The following FRMPD4 variants were observed in gnomAD, a reference collection of about 807,000 sequenced individuals.
FRMPD4 encodes FERM and PDZ domain containing 4, also known as FERM and PDZ domain-containing protein 4.
FRMPD4 carries 22 observed loss-of-function variants against 94.1 expected under a neutral mutation model. That is an observed-to-expected ratio of 0.23 (90% CI 0.17 to 0.33). FRMPD4 has a LOEUF of 0.33. FRMPD4 is among the 10% of genes least tolerant of loss of function. The pLI, the probability that FRMPD4 is intolerant of heterozygous loss-of-function variation, is 1.00. For missense variants in FRMPD4, 1,111 were observed against 1,339.9 expected (o/e 0.83, Z 2.67); for synonymous variants, 631 against 548.6 (o/e 1.15, Z -2.10).
intron 1 of FRMPD4, among the ~76,000 whole-genome samples, chrX:12,482,118 G>T (rs1197697888): frequency 1.8e-5 from 2 of 110,034 alleles, no homozygotes; most frequent in Non-Finnish European, 3.8e-5. Context: ...TGGTCTTGCT[G>T]TCTCAGGGGT....
Position 12,112,328 on chromosome X carries a change from A to G in FRMPD4, c.95+234310A>G, listed in dbSNP as rs747526046. Among the ~76,000 whole-genome samples, 5 of 111,222 alleles carry G rather than the reference A, an allele frequency of 4.5e-5. No homozygotes were observed. In the East Asian group the frequency reaches 1.4e-3, roughly 31 times the overall value. On this transcript the variant is annotated intron_variant, in intron 3 of 18. Coordinates refer to the FRMPD4 transcript ENST00000640291. ...AAACTATCGCAAGGACAGAAAACCA[A>G]ACACCGCATGTTCTCACTCATAGGT...
intron 1 of FRMPD4, among the ~76,000 whole-genome samples, chrX:12,384,380 T>G (rs1255398906): frequency 9.0e-6 from 1 of 111,524 alleles, no homozygotes; most frequent in Non-Finnish European, 1.9e-5. Flanking sequence ...TAGCCAGGCG[T>G]GATAGCCTGC....
chrX:12,717,372 C>G, intron 15 of FRMPD4, 129 bp from the exon 16 acceptor site: 1 of 508,041 alleles, frequency 2.0e-6, no homozygotes, highest in Non-Finnish European at 3.3e-6. Context: ...CTGCAATAAA[C>G]TCAGAGTCCT....
intron 1 of FRMPD4, among the ~76,000 whole-genome samples, chrX:12,158,120 G>A (rs1008272242): frequency 8.0e-5 from 9 of 111,921 alleles, no homozygotes; most frequent in African/African-American, 2.9e-4. Context: ...AATTCTGCCT[G>A]TATTCTTTTT....
chrX:12,288,500 G>A (rs1283783548), intron 1 of FRMPD4, among the ~76,000 whole-genome samples: 2 of 111,579 alleles, frequency 1.8e-5, no homozygotes, highest in African/African-American at 3.3e-5. Context: ...TTATATGACC[G>A]TGATGTTATA....
intron 3 of FRMPD4, among the ~76,000 whole-genome samples, chrX:12,126,058 T>C (rs1055870086): frequency 1.8e-5 from 2 of 112,564 alleles, no homozygotes; most frequent in Non-Finnish European, 3.8e-5. Flanking sequence ...TCACTCCATA[T>C]ATCTGTCCCA....
chrX:12,151,774 G>T (rs1177314277), intron 1 of FRMPD4, among the ~76,000 whole-genome samples: 1 of 111,419 alleles, frequency 9.0e-6, no homozygotes, highest in Non-Finnish European at 1.9e-5. Flanking sequence ...ACAGCTACAT[G>T]TACCACGATT....
intron 1 of FRMPD4, among the ~76,000 whole-genome samples, chrX:12,192,700 T>C (rs1399701341): frequency 8.9e-6 from 1 of 111,822 alleles, no homozygotes; most frequent in African/African-American, 3.2e-5. Context: ...CAAATGGTAG[T>C]GTCCATCAGA....
chrX:11,985,431 G>C (rs2054423865), intron 3 of FRMPD4, among the ~76,000 whole-genome samples: 1 of 112,315 alleles, frequency 8.9e-6, no homozygotes, highest in Non-Finnish European at 1.9e-5. Flanking sequence ...CCTTGGGTGA[G>C]ATGCTGAGAC....
chrX:12,456,367 G>A (rs1180247129), intron 1 of FRMPD4, among the ~76,000 whole-genome samples: 1 of 111,170 alleles, frequency 9.0e-6, no homozygotes, highest in Non-Finnish European at 1.9e-5. Flanking sequence ...GCTTGGGAGA[G>A]TCAATAAATT....
chrX:12,171,617 G>A (rs373360041), intron 1 of FRMPD4, among the ~76,000 whole-genome samples: 54 of 111,645 alleles, frequency 4.8e-4, no homozygotes, highest in African/African-American at 1.7e-3. Context: ...TACAGATTCA[G>A]TTTTTCAGAG....
intron 1 of FRMPD4, among the ~76,000 whole-genome samples, chrX:12,295,039 T>A (rs989656532): frequency 8.9e-6 from 1 of 111,780 alleles, no homozygotes; most frequent in Non-Finnish European, 1.9e-5. Context: ...AGAAATGGAG[T>A]CCTCAAACAG....
At chrX:12,164,334 C>G (rs1425748293) in intron 1 of FRMPD4, among the ~76,000 whole-genome samples, 1 of 111,260 alleles carries the variant, frequency 9.0e-6, no homozygotes. Context: ...TGCTGAGAAT[C>G]ATGGTTTCCA....
intron 1 of FRMPD4, among the ~76,000 whole-genome samples, chrX:12,336,845 A>G (rs5979598): frequency 0.33 from 36,826 of 110,940 alleles, 6,753 homozygotes; most frequent in African/African-American, 0.71. Flanking sequence ...ATTCGAAAAG[A>G]CAAGCAGTGT....
chrX:12,113,501 A>G (rs892680080), intron 3 of FRMPD4, among the ~76,000 whole-genome samples: 3 of 111,427 alleles, frequency 2.7e-5, no homozygotes, highest in Non-Finnish European at 5.7e-5. Context: ...ATGGCTCTGC[A>G]TCACTCCAAC....
At chrX:12,585,284 G>A (rs1341392919) in intron 2 of FRMPD4, among the ~76,000 whole-genome samples, 1 of 108,362 alleles carries the variant, frequency 9.2e-6, no homozygotes, top group Non-Finnish European at 1.9e-5. Flanking sequence ...TGCAGGGCGC[G>A]ATCTCAGCTC....
intron 1 of FRMPD4, among the ~76,000 whole-genome samples, chrX:12,320,209 T>C (rs1322060626): frequency 8.9e-6 from 1 of 112,005 alleles, no homozygotes; most frequent in African/African-American, 3.2e-5. Context: ...AAAGCACTTT[T>C]ATCTCAGCCA....
At chrX:12,669,088 G>A (rs1439193679) in intron 4 of FRMPD4, among the ~76,000 whole-genome samples, 1 of 111,660 alleles carries the variant, frequency 9.0e-6, no homozygotes, top group African/African-American at 3.3e-5. Context: ...TGTGGTAAAG[G>A]TGACGGGATG....
intron 1 of FRMPD4, among the ~76,000 whole-genome samples, chrX:12,237,031 T>C (rs1333722576): frequency 8.9e-6 from 1 of 111,857 alleles, no homozygotes; most frequent in African/African-American, 3.3e-5. Flanking sequence ...TGTCCAAATG[T>C]CAATACTGCT....
Sources: allele counts gnomAD v4.1 joint callset (sites outside exome capture counted in the v4.1 genomes callset), GRCh38; gene constraint gnomAD v4.1.1; transcripts MANE v1.5; gene names NCBI Gene and HGNC (gene_info 2026-07-23, HGNC 2026-07-21).